The following RBMS3 variants were observed in gnomAD, a reference collection of about 807,000 sequenced individuals.
RBMS3 encodes the protein RNA-binding motif, single-stranded-interacting protein 3.
A neutral mutation model predicts 66.8 loss-of-function variants in RBMS3; 27 were observed. The observed-to-expected ratio is 0.40, with a 90% CI of 0.30 to 0.56. The LOEUF (loss-of-function observed/expected upper bound fraction) is 0.56, where lower values mean the gene tolerates loss of function less well. Among genes scored for constraint, RBMS3 ranks in the 20% least tolerant of loss-of-function variants. RBMS3 has a pLI of 0.40. For missense variants in RBMS3, 513 were observed against 549.5 expected (o/e 0.93, Z 0.66); for synonymous variants, 188 against 183.0 (o/e 1.03, Z -0.22).
At chr3:29,705,562 G>A (rs1166897739) in intron 4 of RBMS3, among the ~76,000 whole-genome samples, 1 of 151,994 alleles carries the variant, frequency 6.6e-6, no homozygotes, top group Admixed American at 6.6e-5. Context: ...CATTCACCAG[G>A]TTTATTCTTC....
chr3:29,429,867 C>A (rs992353820), intron 1 of RBMS3, among the ~76,000 whole-genome samples: 2 of 152,132 alleles, frequency 1.3e-5, no homozygotes, highest in African/African-American at 4.8e-5. Context: ...AGAAAGGAAG[C>A]AGAGCCACTT....
intron 2 of RBMS3, among the ~76,000 whole-genome samples, chr3:29,443,647 G>A (rs1178681289): frequency 6.6e-6 from 1 of 152,090 alleles, no homozygotes; most frequent in Non-Finnish European, 1.5e-5. Flanking sequence ...GAAAGGTTAT[G>A]TATTCTTCTG....
chr3:29,446,147 A>G (rs1946826), intron 2 of RBMS3, among the ~76,000 whole-genome samples: 99,056 of 151,954 alleles, frequency 0.65, 32,533 homozygotes, highest in East Asian at 0.73. Flanking sequence ...AGAGTAGCAC[A>G]GAATTTTGAG....
chr3:29,281,736 C>A lies in RBMS3; in HGVS notation c.55C>A (p.Pro19Thr). 1.2e-6 allele frequency: 2 copies of A among 1,613,252 alleles called. No individual in the cohort carries two copies. The highest frequency in any genetic ancestry group is 8.5e-7 in the Non-Finnish European group (1 of 1,179,504). Residue 19 changes from proline to threonine, a missense_variant, in exon 1 of 15, where the codon CCT becomes ACT. By Grantham distance (38) the Pro-to-Thr change is conservative. Coordinates refer to ENST00000383767, the MANE Select transcript of RBMS3 (RefSeq NM_001003793.3). Reference sequence around the variant, plus strand: ...GTACCCCCAGTACACTTACTACTATCCTCATTATCTCCAAACCAAGGTATG... The same window carrying A: ...GTACCCCCAGTACACTTACTACTATACTCATTATCTCCAAACCAAGGTATG... ...QMYPQYTYYY[P>T]HYLQTKQSYA...
chr3:29,498,170 T>G (rs950568816), intron 3 of RBMS3, among the ~76,000 whole-genome samples: 1 of 151,352 alleles, frequency 6.6e-6, no homozygotes, highest in Admixed American at 6.6e-5. Flanking sequence ...CATTTTTGTA[T>G]TTTTAGTAGA....
chr3:29,803,689 A>T (rs2057457393), intron 6 of RBMS3, among the ~76,000 whole-genome samples: 2 of 152,058 alleles, frequency 1.3e-5, no homozygotes, highest in Admixed American at 6.6e-5. Context: ...TGTAAAATGT[A>T]TGCATATAAT....
At chr3:29,867,604 G>C (rs1187840523) in intron 6 of RBMS3, among the ~76,000 whole-genome samples, 1 of 149,300 alleles carries the variant, frequency 6.7e-6, no homozygotes, top group Non-Finnish European at 1.5e-5. Context: ...ACATATCCAT[G>C]CAGAGGAGCA....
intron 5 of RBMS3, among the ~76,000 whole-genome samples, chr3:29,750,379 G>T (rs73044208): frequency 0.034 from 5,158 of 152,120 alleles, 124 homozygotes; most frequent in Non-Finnish European, 0.048. Flanking sequence ...AGTAGCCATG[G>T]TCAAAGATAC....
intron 8 of RBMS3, among the ~76,000 whole-genome samples, chr3:29,885,124 A>G (rs2059838894): frequency 6.6e-6 from 1 of 151,884 alleles, no homozygotes; most frequent in South Asian, 2.1e-4. Context: ...CATTCAACAA[A>G]CATCCAGTAA....
intron 1 of RBMS3, among the ~76,000 whole-genome samples, chr3:29,286,580 C>A (rs2032356662): frequency 6.6e-6 from 1 of 151,958 alleles, no homozygotes; most frequent in African/African-American, 2.4e-5. Context: ...AAAATTATAG[C>A]ACAAAATTAT....
chr3:29,707,630 C>CT (rs1046599675), intron 4 of RBMS3, among the ~76,000 whole-genome samples: 4 of 152,170 alleles, frequency 2.6e-5, no homozygotes, highest in African/African-American at 7.2e-5. Context: ...GTATGCCTTG[C>CT]TTTTTGTCTA....
chr3:29,851,966 T>C (rs1382232622), intron 6 of RBMS3, among the ~76,000 whole-genome samples: 9 of 152,206 alleles, frequency 5.9e-5, no homozygotes, highest in Admixed American at 1.3e-4. Flanking sequence ...AGCATGGTAC[T>C]GGTACAAAAA....
At chr3:29,579,262 T>G (rs963710411) in intron 3 of RBMS3, among the ~76,000 whole-genome samples, 7 of 152,174 alleles carry the variant, frequency 4.6e-5, no homozygotes, top group Non-Finnish European at 1.0e-4. Flanking sequence ...GCTTCGGTTG[T>G]GGGGAAGAGT....
chr3:29,353,733 T>G (rs915061117), intron 1 of RBMS3, among the ~76,000 whole-genome samples: 3 of 152,086 alleles, frequency 2.0e-5, no homozygotes, highest in Non-Finnish European at 4.4e-5. Flanking sequence ...ACATAATTAA[T>G]TATTGCTTGA....
intron 12 of RBMS3, among the ~76,000 whole-genome samples, chr3:29,956,040 T>C (rs1696020017): frequency 6.6e-6 from 1 of 152,072 alleles, no homozygotes; most frequent in East Asian, 1.9e-4. Context: ...ATTATTTTTA[T>C]CTGTCAAGAG....
At chr3:29,489,457 C>A (rs1482830266) in intron 3 of RBMS3, among the ~76,000 whole-genome samples, 1 of 151,896 alleles carries the variant, frequency 6.6e-6, no homozygotes, top group Non-Finnish European at 1.5e-5. Flanking sequence ...GACATGATTT[C>A]TTCCACCTCA....
intron 1 of RBMS3, among the ~76,000 whole-genome samples, chr3:29,425,660 A>T (rs1559351239): frequency 6.6e-6 from 1 of 152,266 alleles, no homozygotes; most frequent in South Asian, 2.1e-4. Context: ...AATAAATAAA[A>T]AATAGAGATT....
intron 1 of RBMS3, among the ~76,000 whole-genome samples, chr3:29,431,301 C>CTTTCTT (rs2041184072): frequency 7.6e-6 from 1 of 132,400 alleles, no homozygotes; most frequent in Non-Finnish European, 1.6e-5. Context: ...TTTTCCTTTT[C>CTTTCTT]TTTTTTTTTT....
chr3:29,299,971 G>A (rs1423560069), intron 1 of RBMS3, among the ~76,000 whole-genome samples: 6 of 151,702 alleles, frequency 4.0e-5, no homozygotes, highest in South Asian at 2.1e-4. Context: ...TTGCTTGTAC[G>A]ACTCAATAGG....
Sources: allele counts gnomAD v4.1 joint callset (sites outside exome capture counted in the v4.1 genomes callset), GRCh38; gene constraint gnomAD v4.1.1; transcripts MANE v1.5; gene names NCBI Gene and HGNC (gene_info 2026-07-23, HGNC 2026-07-21).